MAPK10: variants seen among roughly 807,000 people sequenced by gnomAD.
MAPK10 encodes the protein JNK3 alpha protein kinase.
A neutral mutation model predicts 59.3 loss-of-function variants in MAPK10; 25 were observed. The ratio of observed to expected loss-of-function variants is 0.42; its 90% CI spans 0.31 to 0.59. MAPK10 has a LOEUF of 0.59. MAPK10 is among the 20% of genes least tolerant of loss of function. The pLI, the probability that MAPK10 is intolerant of heterozygous loss-of-function variation, is 0.15. For missense variants in MAPK10, 351 were observed against 568.9 expected, an observed-to-expected ratio of 0.62 and a Z score of 3.90; for synonymous variants, 190 against 200.5, an observed-to-expected ratio of 0.95 and a Z score of 0.44.
intron 1 of MAPK10, among the ~76,000 whole-genome samples, chr4:86,549,340 T>C (rs957988088): frequency 2.0e-5 from 3 of 152,242 alleles, no homozygotes; most frequent in African/African-American, 4.8e-5. Flanking sequence ...TAACCCACTA[T>C]ACAACTAGGC....
chr4:86,216,818 T>G (rs555807540), intron 2 of MAPK10, among the ~76,000 whole-genome samples: 1 of 152,032 alleles, frequency 6.6e-6, no homozygotes, highest in Non-Finnish European at 1.5e-5. Flanking sequence ...AAAACAAATA[T>G]AGTTACAAAT....
chr4:86,548,231 G>A (rs1013503115), intron 1 of MAPK10, among the ~76,000 whole-genome samples: 2 of 151,994 alleles, frequency 1.3e-5, no homozygotes, highest in Non-Finnish European at 2.9e-5. Context: ...GCTGCCTTAA[G>A]AGCTGTAACA....
intron 3 of MAPK10, among the ~76,000 whole-genome samples, chr4:86,167,532 GCTT>G (rs2072219641): frequency 6.6e-6 from 1 of 152,164 alleles, no homozygotes. Context: ...AATCGAGTCG[GCTT>G]CATCCCTGGG....
upstream of MAPK10, among the ~76,000 whole-genome samples, chr4:86,360,907 T>C (rs191944214): frequency 6.6e-6 from 1 of 152,320 alleles, no homozygotes; most frequent in Admixed American, 6.5e-5. Context: ...ACCTTTTTTA[T>C]GTAAGAAAAA....
chr4:86,496,963 C>T (rs557598360), intron 1 of MAPK10, among the ~76,000 whole-genome samples: 8 of 152,300 alleles, frequency 5.3e-5, no homozygotes, highest in African/African-American at 1.9e-4. Context: ...ACAAAATATG[C>T]ACATTCCTTA....
chr4:86,241,419 T>C (rs536118463), intron 2 of MAPK10, among the ~76,000 whole-genome samples: 2 of 152,312 alleles, frequency 1.3e-5, no homozygotes, highest in Admixed American at 1.3e-4. Flanking sequence ...TCCTGAAGTG[T>C]GTTTTCCAGC....
At chr4:86,480,684 G>A (rs1753537954) in intron 1 of MAPK10, among the ~76,000 whole-genome samples, 1 of 152,138 alleles carries the variant, frequency 6.6e-6, no homozygotes, top group Non-Finnish European at 1.5e-5. Context: ...ATTTATTAGA[G>A]ACAGTTTTGA....
intron 1 of MAPK10, among the ~76,000 whole-genome samples, chr4:86,355,117 C>G (rs1733732471): frequency 1.3e-5 from 2 of 152,088 alleles, no homozygotes; most frequent in Admixed American, 1.3e-4. Flanking sequence ...CTGAAGAGAC[C>G]TGTATTTATG....
intron 13 of MAPK10, among the ~76,000 whole-genome samples, chr4:86,021,768 G>A (rs6531893): frequency 0.21 from 32,142 of 152,174 alleles, 4,097 homozygotes; most frequent in African/African-American, 0.35. Flanking sequence ...AGGCAGCTAA[G>A]GCCCGGCGAG....
At chr4:86,227,538 T>C (rs1311410357) in intron 2 of MAPK10, among the ~76,000 whole-genome samples, 2 of 150,238 alleles carry the variant, frequency 1.3e-5, no homozygotes, top group Admixed American at 1.3e-4. Flanking sequence ...GACGCATAGA[T>C]GGTACTATTC....
At chr4:86,088,018 C>G (rs181157937) in intron 9 of MAPK10, among the ~76,000 whole-genome samples, 1 of 152,228 alleles carries the variant, frequency 6.6e-6, no homozygotes, top group East Asian at 1.9e-4. Flanking sequence ...TTTATTAAAG[C>G]AGAGGTTTTA....
chr4:86,164,387 A>G (rs2070892475), intron 3 of MAPK10: 1 of 152,194 alleles, frequency 6.6e-6, no homozygotes, highest in African/African-American at 2.4e-5. Context: ...CACAAAACTT[A>G]GTGTCACGCT....
chr4:86,558,832 G>GAA lies in MAPK10; in HGVS notation c.-263+35076_-263+35077dup, dbSNP rs55928790. On this transcript the variant is annotated intron_variant, in intron 1 of 4. Coordinates refer to the MAPK10 transcript ENST00000502302. Reference sequence around the variant, plus strand: ...TTGCAATTAGATATAAAACTTTCAGGAAAAAAAAAAAAAACTTTCCAGAAA... The same window carrying GAA: ...TTGCAATTAGATATAAAACTTTCAGGAAAAAAAAAAAAAAAACTTTCCAGAAA... Among the ~76,000 whole-genome samples the GAA allele has an allele frequency of 5.0e-3, 710 of 142,626 alleles. 1 individual carries two copies. The highest frequency in any genetic ancestry group is 0.01 in the African/African-American group (404 of 38,842). 93.6% of individuals were successfully genotyped at this position (142,626 alleles called of 152,430 possible).
intron 4 of MAPK10, chr4:86,123,818 C>T (rs538390733): frequency 6.6e-6 from 1 of 152,220 alleles, no homozygotes; most frequent in African/African-American, 2.4e-5. Flanking sequence ...CAACTCCCAA[C>T]TTCTTAAATA....
intron 3 of MAPK10, among the ~76,000 whole-genome samples, chr4:86,161,708 G>A (rs1239946724): frequency 6.6e-6 from 1 of 152,072 alleles, no homozygotes; most frequent in Non-Finnish European, 1.5e-5. Context: ...ACCAAACCAA[G>A]AAAATATATC....
At chr4:86,332,156 C>G (rs1218370505) in intron 2 of MAPK10, among the ~76,000 whole-genome samples, 3 of 151,954 alleles carry the variant, frequency 2.0e-5, no homozygotes, top group East Asian at 1.9e-4. Context: ...TCAACACACA[C>G]AAACTAGAAG....
At chr4:86,393,423 C>T (rs892923295) in intron 1 of MAPK10, among the ~76,000 whole-genome samples, 3 of 151,712 alleles carry the variant, frequency 2.0e-5, no homozygotes, top group Non-Finnish European at 2.9e-5. Flanking sequence ...CATTGACAGT[C>T]CTTCCATTTT....
chr4:86,420,564 T>C (rs1028636557), intron 1 of MAPK10, among the ~76,000 whole-genome samples: 2 of 149,602 alleles, frequency 1.3e-5, no homozygotes. Context: ...GAGGCGAGTG[T>C]ATCACTTGAG....
chr4:86,501,608 G>C (rs1225127109), intron 1 of MAPK10, among the ~76,000 whole-genome samples: 6 of 151,118 alleles, frequency 4.0e-5, no homozygotes, highest in Non-Finnish European at 8.9e-5. Context: ...ACTTATCCAG[G>C]GTATTCTGTT....
Sources: gnomAD v4.1 joint callset for allele counts (sites outside exome capture counted in the v4.1 genomes callset) on GRCh38, gnomAD v4.1.1 for gene constraint, MANE v1.5 for transcripts, NCBI Gene and HGNC (gene_info 2026-07-23, HGNC 2026-07-21) for gene names.